The following TAFA1 variants were observed in gnomAD, a reference collection of about 807,000 sequenced individuals.
The protein encoded by TAFA1 is TAFA chemokine like family member 1, also known as chemokine-like protein TAFA-1.
A neutral mutation model predicts 18.5 loss-of-function variants in TAFA1; 4 were observed. That is an observed-to-expected ratio of 0.22 (90% CI 0.11 to 0.49). The LOEUF (loss-of-function observed/expected upper bound fraction) is 0.49, where lower values mean the gene tolerates loss of function less well. TAFA1 is among the 20% of genes least tolerant of loss of function. The pLI is 0.98. For missense variants in TAFA1, 147 were observed against 169.0 expected, an observed-to-expected ratio of 0.87 and a Z score of 0.72; for synonymous variants, 56 against 55.2, an observed-to-expected ratio of 1.01 and a Z score of -0.06.
intron 2 of TAFA1, among the ~76,000 whole-genome samples, chr3:68,106,160 CA>C (rs939253628): frequency 1.7e-4 from 25 of 149,196 alleles, no homozygotes; most frequent in East Asian, 5.9e-4. Flanking sequence ...AATTCATATG[CA>C]AAAAAAAAAG....
At chr3:68,489,961 T>G (rs2072419536) in intron 3 of TAFA1, among the ~76,000 whole-genome samples, 1 of 152,216 alleles carries the variant, frequency 6.6e-6, no homozygotes, top group Non-Finnish European at 1.5e-5. Flanking sequence ...ACTATGGTTA[T>G]TCAGACTTGG....
rs545689104 is a variant in TAFA1 at position 68,302,576 on chromosome 3, C to G, written c.119-114704C>G. Among the ~76,000 whole-genome samples, 111 of 151,206 alleles carry G rather than the reference C, an allele frequency of 7.3e-4. 2 individuals carry two copies. The highest frequency in any genetic ancestry group is 1.3e-3 in the Non-Finnish European group (90 of 67,838). On this transcript the variant is annotated intron_variant, in intron 2 of 4. Transcript: ENST00000478136. Reference sequence around the variant, plus strand: ...TTTTTTAATTTTGAATCTTTGTTCTCTTATTCATAAAAGTTCCAAGAGAAT... The same window carrying G: ...TTTTTTAATTTTGAATCTTTGTTCTGTTATTCATAAAAGTTCCAAGAGAAT...
chr3:68,187,127 T>C (rs1358036992), intron 2 of TAFA1, among the ~76,000 whole-genome samples: 1 of 152,032 alleles, frequency 6.6e-6, no homozygotes, highest in Non-Finnish European at 1.5e-5. Flanking sequence ...CCTGTTATTA[T>C]TTGGTGTGGA....
chr3:68,524,116 G>A (rs1200836909), intron 3 of TAFA1, among the ~76,000 whole-genome samples: 21 of 152,068 alleles, frequency 1.4e-4, no homozygotes, highest in Admixed American at 1.4e-3. Flanking sequence ...GGTTTCTTCT[G>A]GTCTGGGCTG....
chr3:68,411,403 T>C (rs1417127885), intron 2 of TAFA1, among the ~76,000 whole-genome samples: 1 of 152,244 alleles, frequency 6.6e-6, no homozygotes, highest in African/African-American at 2.4e-5. Flanking sequence ...GGCAGATTTG[T>C]TATTCATTTT....
At chr3:68,538,150 A>C (rs2073306706) in intron 3 of TAFA1, among the ~76,000 whole-genome samples, 1 of 152,116 alleles carries the variant, frequency 6.6e-6, no homozygotes, top group Admixed American at 6.6e-5. Flanking sequence ...AGTTGCTAGA[A>C]TGCAAAAGTC....
At chr3:68,403,511 T>C (rs1449141946) in intron 2 of TAFA1, among the ~76,000 whole-genome samples, 2 of 152,230 alleles carry the variant, frequency 1.3e-5, no homozygotes, top group Non-Finnish European at 2.9e-5. Context: ...CACTGTCCGA[T>C]TTTTATGATC....
chr3:68,318,218 G>A (rs2068637279), intron 2 of TAFA1, among the ~76,000 whole-genome samples: 1 of 152,114 alleles, frequency 6.6e-6, no homozygotes, highest in African/African-American at 2.4e-5. Context: ...CAATACCAAG[G>A]CAAATTGTGC....
At chr3:68,124,469 G>T (rs2065440738) in intron 2 of TAFA1, among the ~76,000 whole-genome samples, 1 of 152,316 alleles carries the variant, frequency 6.6e-6, no homozygotes, top group Admixed American at 6.5e-5. Context: ...ATGTGCATTT[G>T]TGAGGGAAGC....
chr3:68,365,203 A>G (rs2069542422), intron 2 of TAFA1, among the ~76,000 whole-genome samples: 1 of 152,216 alleles, frequency 6.6e-6, no homozygotes, highest in African/African-American at 2.4e-5. Context: ...GCAGATGGGA[A>G]AACTGAGCTT....
intron 2 of TAFA1, among the ~76,000 whole-genome samples, chr3:68,227,103 C>A (rs2066810565): frequency 6.6e-6 from 1 of 152,062 alleles, no homozygotes; most frequent in South Asian, 2.1e-4. Flanking sequence ...GTCAAGCAGT[C>A]ATTGTTACTG....
chr3:68,014,763 T>C (rs1704536872), intron 2 of TAFA1, among the ~76,000 whole-genome samples: 2 of 152,180 alleles, frequency 1.3e-5, no homozygotes, highest in African/African-American at 2.4e-5. Context: ...ATTTCATAGG[T>C]AGGCAAAGCA....
intron 2 of TAFA1, among the ~76,000 whole-genome samples, chr3:68,109,283 C>G (rs2065238164): frequency 6.6e-6 from 1 of 152,034 alleles, no homozygotes; most frequent in Admixed American, 6.6e-5. Flanking sequence ...CATAGGAAGG[C>G]TGATGATTTA....
intron 2 of TAFA1, among the ~76,000 whole-genome samples, chr3:68,186,984 A>T (rs1352006880): frequency 1.3e-5 from 2 of 152,020 alleles, no homozygotes; most frequent in African/African-American, 4.8e-5. Context: ...GTGGGAAAAA[A>T]AAAAGCCAGT....
intron 2 of TAFA1, among the ~76,000 whole-genome samples, chr3:68,033,066 C>T (rs1043313327): frequency 9.2e-5 from 14 of 152,116 alleles, no homozygotes; most frequent in Non-Finnish European, 2.1e-4. Flanking sequence ...TCAACAGTCA[C>T]TTAGGAAGGT....
At chr3:68,046,699 C>T (rs1024967764) in intron 2 of TAFA1, among the ~76,000 whole-genome samples, 1 of 152,102 alleles carries the variant, frequency 6.6e-6, no homozygotes, top group Non-Finnish European at 1.5e-5. Flanking sequence ...GGTAGGCCAA[C>T]TGAACTTATA....
At chr3:68,087,718 C>A (rs926629077) in intron 2 of TAFA1, among the ~76,000 whole-genome samples, 1 of 151,884 alleles carries the variant, frequency 6.6e-6, no homozygotes, top group Admixed American at 6.6e-5. Context: ...TTTTCATAAC[C>A]AACTTTTTAA....
At chr3:68,447,580 C>T (rs1403661131) in intron 3 of TAFA1, among the ~76,000 whole-genome samples, 3 of 152,164 alleles carry the variant, frequency 2.0e-5, no homozygotes, top group Admixed American at 2.0e-4. Context: ...AAGGTTTATT[C>T]CAAAGCTCTA....
chr3:68,270,911 A>G (rs2067653865), intron 2 of TAFA1, among the ~76,000 whole-genome samples: 1 of 152,148 alleles, frequency 6.6e-6, no homozygotes, highest in African/African-American at 2.4e-5. Flanking sequence ...AAAAGATAAC[A>G]ATTTTTGTTT....
Sources: allele counts gnomAD v4.1 joint callset (sites outside exome capture counted in the v4.1 genomes callset), GRCh38; gene constraint gnomAD v4.1.1; transcripts MANE v1.5; gene names NCBI Gene and HGNC (gene_info 2026-07-23, HGNC 2026-07-21).